Variants in ZNF215 observed in about 807,000 individuals in gnomAD.
ZNF215 encodes zinc finger protein 215.
In ZNF215, 24 loss-of-function variants were observed where a neutral mutation model predicts 27.2. The observed-to-expected ratio is 0.88, with a 90% CI of 0.64 to 1.24. The LOEUF is 1.24. ZNF215 is among the 50% of genes most tolerant of loss of function. The probability of loss-of-function intolerance (pLI) is 0.00; values close to 1 mark genes in which losing one functional copy is unlikely to be tolerated. For synonymous variants in ZNF215, 210 were observed against 204.0 expected (o/e 1.03, Z -0.25); for missense variants, 675 against 605.7 (o/e 1.11, Z -1.20).
chr11:6,958,460 A>C (rs1194440930), downstream of ZNF215, among the ~76,000 whole-genome samples: 1 of 152,230 alleles, frequency 6.6e-6, no homozygotes, highest in African/African-American at 2.4e-5. Flanking sequence ...TTAACATAAC[A>C]TAGTTTCAAA....
chr11:6,975,416 G>A (rs968513493), intron 5 of ZNF215, among the ~76,000 whole-genome samples: 1 of 151,878 alleles, frequency 6.6e-6, no homozygotes, highest in Non-Finnish European at 1.5e-5. Context: ...ATTTTTAAAT[G>A]TACAATTACT....
At chr11:6,987,226 C>T (rs896651982), downstream of ZNF215, among the ~76,000 whole-genome samples, 1 of 152,094 alleles carries the variant, frequency 6.6e-6, no homozygotes, top group African/African-American at 2.4e-5. Context: ...TTCGCAGCAA[C>T]ATGATACAGC....
chr11:6,974,018 A>T (rs1850777732), intron 5 of ZNF215, among the ~76,000 whole-genome samples: 1 of 152,088 alleles, frequency 6.6e-6, no homozygotes, highest in South Asian at 2.1e-4. Context: ...TAGGGTTTTT[A>T]TGGTTTTAGG....
chr11:6,974,440 T>G (rs1850787969), intron 5 of ZNF215, among the ~76,000 whole-genome samples: 1 of 152,200 alleles, frequency 6.6e-6, no homozygotes, highest in Non-Finnish European at 1.5e-5. Context: ...AGAAAGTCAT[T>G]GGTAGCTTGA....
chr11:6,943,636 T>A lies in ZNF215; in HGVS notation c.707T>A (p.Ile236Asn), dbSNP rs1164528652. The A allele has an allele frequency of 1.2e-6, 2 of 1,611,898 alleles. No homozygotes were observed. The highest frequency in any genetic ancestry group is 8.5e-7 in the Non-Finnish European group (1 of 1,178,222). ...GAGAAAGAAATACCAAGGAAGACTA[T>A]TTTTGGTAAGAACCAGGTAGATATG... ...IMEKEIPRKT[I>N]FDMKSISGEE... is the part of the protein sequence containing the mutation. The change falls in exon 6 of 7, where the codon ATT becomes AAT. Residue 236 changes from isoleucine to asparagine, a missense_variant. By Grantham distance (149) the Ile-to-Asn change is moderately radical (BLOSUM62 -3). Coordinates refer to ENST00000278319, the MANE Select transcript of ZNF215 (RefSeq NM_013250.4).
rs375976779 is a variant in ZNF215, at chr11:6,949,821, G to C, written c.713-5869G>C. 2.6e-4 allele frequency among the ~76,000 whole-genome samples: 40 copies of C among 152,228 alleles called. No individual in the cohort carries two copies. In the East Asian group the frequency reaches 4.2e-3, roughly 16 times the overall value. On this transcript the variant is annotated intron_variant, in intron 6 of 6. Coordinates refer to ENST00000278319, the MANE Select transcript of ZNF215 (RefSeq NM_013250.4). ...AAGTCCTTGCCCACGCCTATGTCCTGAATGGTAATGCCTAGGTTTTCTTCT... is the reference window on the plus strand; with the variant it reads ...AAGTCCTTGCCCACGCCTATGTCCTCAATGGTAATGCCTAGGTTTTCTTCT...
At position 6,956,061 on chromosome 11, in the gene ZNF215, A is replaced by T; in HGVS notation, c.1084A>T (p.Ser362Cys). The T allele has an allele frequency of 6.2e-7, 1 of 1,610,048 alleles. No individual in the cohort carries two copies. The highest frequency in any genetic ancestry group is 8.5e-7 in the Non-Finnish European group (1 of 1,178,678). ...AGAATATGAATATGGGAATGACTTG[A>T]GTTTGAGTACAGATATTCGACACCA... ...HSEYEYGNDL[S>C]LSTDIRHQKS... Residue 362 changes from serine (S) to cysteine (C), a missense_variant, in exon 7 of 7, where the codon AGT becomes TGT. Ser to Cys is a moderately radical substitution (Grantham distance 112). Coordinates refer to ENST00000278319, the MANE Select transcript of ZNF215 (RefSeq NM_013250.4).
intron 6 of ZNF215, among the ~76,000 whole-genome samples, chr11:6,947,017 G>C (rs563171727): frequency 2.0e-5 from 3 of 152,232 alleles, no homozygotes; most frequent in African/African-American, 7.2e-5. Context: ...TGTGGCAAAT[G>C]GGATATCTCA....
chr11:6,976,115 G>A (rs916667253), intron 5 of ZNF215, among the ~76,000 whole-genome samples: 1 of 151,974 alleles, frequency 6.6e-6, no homozygotes, highest in Non-Finnish European at 1.5e-5. Flanking sequence ...ACCTTTTCAT[G>A]TGCCTGTTTG....
At chr11:6,961,575 G>A (rs763269964), downstream of ZNF215, among the ~76,000 whole-genome samples, 2 of 151,996 alleles carry the variant, frequency 1.3e-5, no homozygotes, top group African/African-American at 2.4e-5. Flanking sequence ...TAATTGGTGC[G>A]GCAATTCTGC....
chr11:6,963,957 C>T (rs894067779), intron 5 of ZNF215, among the ~76,000 whole-genome samples: 2 of 151,936 alleles, frequency 1.3e-5, no homozygotes, highest in Non-Finnish European at 2.9e-5. Context: ...GCTGTTAATC[C>T]GGGTTTTTTA....
Position 6,956,010 on chromosome 11 carries a change from T to G in ZNF215, c.1033T>G (p.Leu345Val), listed in dbSNP as rs1237125602. 4.3e-6 allele frequency: 7 copies of G among 1,610,172 alleles called. No individual in the cohort carries two copies. The highest frequency in any genetic ancestry group is 1.3e-5 in the African/African-American group (1 of 74,660). Residue 345 changes from leucine to valine, a missense_variant, in exon 7 of 7, where the codon TTA (leucine) becomes GTA (valine). Leu to Val is a conservative substitution (Grantham distance 32, BLOSUM62 1). Coordinates refer to ENST00000278319, the MANE Select transcript of ZNF215 (RefSeq NM_013250.4). ...GTTTAAAACTTACTTCAAATTTAAT[T>G]TAGACTCAGTAGGTAAGCAACATTC... ...DKFKTYFKFN[L>V]DSVGKQHSEY...
downstream of ZNF215, among the ~76,000 whole-genome samples, chr11:6,992,698 C>T (rs1851128803): frequency 6.6e-6 from 1 of 152,174 alleles, no homozygotes; most frequent in South Asian, 2.1e-4. Flanking sequence ...ACAATGAACA[C>T]ATTTCTAACA....
In ZNF215 at chr11:6,943,085, A is replaced by T; in HGVS notation, c.486A>T (p.Glu162Asp). ...KAGSRTGKPQEPVTFKDVVVE... is the reference protein window; with the variant it reads ...KAGSRTGKPQDPVTFKDVVVE... ...TAAAAAGGAACTTAATGTTTTAGGAACCAGTGACATTCAAAGATGTGGTTG... is the reference window on the plus strand; with the variant it reads ...TAAAAAGGAACTTAATGTTTTAGGATCCAGTGACATTCAAAGATGTGGTTG... Residue 162 changes from glutamate to aspartate, a missense_variant and splice_region_variant, in exon 5 of 7, where the codon GAA becomes GAT. Physicochemically the swap from Glu to Asp is conservative, Grantham distance 45. Transcript: ENST00000278319. The T allele has an allele frequency of 6.2e-7, 1 of 1,611,434 alleles. No individual in the cohort carries two copies. Among genetic ancestry groups the T allele is most frequent in the Non-Finnish European group, 8.5e-7 (1 of 1,179,272 alleles).
At chr11:6,980,118 ACAAT>A (rs1740262383) in intron 5 of ZNF215, among the ~76,000 whole-genome samples, 1 of 152,128 alleles carries the variant, frequency 6.6e-6, no homozygotes, top group Non-Finnish European at 1.5e-5. Context: ...TCCTTTGTCA[ACAAT>A]CAATCAGTTA....
intron 5 of ZNF215, among the ~76,000 whole-genome samples, chr11:6,971,519 T>C (rs979057815): frequency 2.6e-5 from 4 of 152,174 alleles, no homozygotes; most frequent in African/African-American, 9.6e-5. Context: ...AGATAGTAGA[T>C]GCTCAATAAA....
chr11:6,990,923 C>A (rs1365585773), downstream of ZNF215, among the ~76,000 whole-genome samples: 1 of 152,296 alleles, frequency 6.6e-6, no homozygotes, highest in South Asian at 2.1e-4. Flanking sequence ...AATCAAGCAA[C>A]AATTATAAGA....
chr11:6,954,422 TA>T (rs1850228795), intron 6 of ZNF215, among the ~76,000 whole-genome samples: 1 of 152,226 alleles, frequency 6.6e-6, no homozygotes, highest in Admixed American at 6.5e-5. Context: ...TTTGTTCACC[TA>T]AGCAAGCCTG....
chr11:6,958,174 T>G (rs1251863758), downstream of ZNF215: 2 of 644,992 alleles, frequency 3.1e-6, no homozygotes, highest in Non-Finnish European at 3.8e-6. Context: ...AAAAGCACTC[T>G]GAATGTAAAA....
Sources: gnomAD v4.1 joint callset for allele counts (sites outside exome capture counted in the v4.1 genomes callset) on GRCh38, gnomAD v4.1.1 for gene constraint, MANE v1.5 for transcripts, NCBI Gene and HGNC (gene_info 2026-07-23, HGNC 2026-07-21) for gene names.